The following TNRC6A variants were observed in gnomAD, a reference collection of about 807,000 sequenced individuals.
TNRC6A encodes the protein trinucleotide repeat-containing gene 6A protein.
TNRC6A carries 44 observed loss-of-function variants against 221.2 expected under a neutral mutation model. The ratio of observed to expected loss-of-function variants is 0.20; its 90% CI spans 0.16 to 0.26. TNRC6A has a LOEUF of 0.26. TNRC6A is among the 10% of genes least tolerant of loss of function. The probability of loss-of-function intolerance (pLI) is 1.00; values close to 1 mark genes in which losing one functional copy is unlikely to be tolerated. For missense variants in TNRC6A, 2,199 were observed against 2,404.4 expected, an observed-to-expected ratio of 0.91 and a Z score of 1.79; for synonymous variants, 847 against 838.5, an observed-to-expected ratio of 1.01 and a Z score of -0.18.
At chr16:24,715,497 T>C (rs1389013409) in intron 2 of TNRC6A, among the ~76,000 whole-genome samples, 1 of 152,178 alleles carries the variant, frequency 6.6e-6, no homozygotes, top group Non-Finnish European at 1.5e-5. Context: ...ATTACAAGGT[T>C]TTCTACTCTG....
At chr16:24,648,517 G>T (rs533865015) in intron 2 of TNRC6A, among the ~76,000 whole-genome samples, 5 of 151,924 alleles carry the variant, frequency 3.3e-5, no homozygotes, top group African/African-American at 1.2e-4. Context: ...TGATTCACCC[G>T]CCTTGGCCTC....
At chr16:24,754,997 T>C (rs913381537) in intron 3 of TNRC6A, among the ~76,000 whole-genome samples, 3 of 152,218 alleles carry the variant, frequency 2.0e-5, no homozygotes, top group Non-Finnish European at 4.4e-5. Flanking sequence ...GCTTAATTAG[T>C]AAATTTTCTC....
chr16:24,770,878 T>A (rs2057576291), intron 4 of TNRC6A, among the ~76,000 whole-genome samples: 1 of 152,218 alleles, frequency 6.6e-6, no homozygotes, highest in African/African-American at 2.4e-5. Flanking sequence ...CCTAGGAGGC[T>A]CCTCAAAACT....
chr16:24,661,919 T>TTAAAAACA, intron 2 of TNRC6A: 1 of 152,142 alleles, frequency 6.6e-6, no homozygotes, highest in East Asian at 1.9e-4. Context: ...ATCAAAGATC[T>TTAAAAACA]TAAAAACATA....
intron 2 of TNRC6A, 101 bp downstream of exon 2, chr16:24,730,401 T>G (rs2056603259): frequency 1.4e-6 from 2 of 1,405,180 alleles, no homozygotes; most frequent in Non-Finnish European, 1.9e-6. Flanking sequence ...GACATTTTCT[T>G]CCGCACCCGG....
chr16:24,815,390 C>A (rs1261486731), intron 19 of TNRC6A, 85 bp downstream of exon 19: 2 of 1,485,252 alleles, frequency 1.3e-6, no homozygotes, highest in Non-Finnish European at 1.8e-6. Flanking sequence ...TGATGTAGCC[C>A]AGATCGGCGT....
chr16:24,623,519 G>A (rs1414174464), intron 1 of TNRC6A, among the ~76,000 whole-genome samples: 1 of 152,064 alleles, frequency 6.6e-6, no homozygotes, highest in Non-Finnish European at 1.5e-5. Flanking sequence ...AGGTGTCAGT[G>A]CTCAGATGTC....
intron 2 of TNRC6A, among the ~76,000 whole-genome samples, chr16:24,654,681 T>C (rs1902864290): frequency 6.6e-6 from 1 of 151,826 alleles, no homozygotes. Context: ...ATCGCACCAC[T>C]GCACTCCAGC....
At chr16:24,628,206 G>A (rs984008222) in intron 1 of TNRC6A, among the ~76,000 whole-genome samples, 2 of 151,572 alleles carry the variant, frequency 1.3e-5, no homozygotes, top group Non-Finnish European at 2.9e-5. Flanking sequence ...ATCACCTGAG[G>A]TCAGGAGTTG....
chr16:24,784,945 T>C (rs2057934335), intron 5 of TNRC6A, among the ~76,000 whole-genome samples: 1 of 152,244 alleles, frequency 6.6e-6, no homozygotes, highest in Admixed American at 6.5e-5. Flanking sequence ...TGTATAAAAA[T>C]ACTTATTCAC....
intron 2 of TNRC6A, among the ~76,000 whole-genome samples, chr16:24,689,751 C>A (rs1355227836): frequency 6.6e-6 from 1 of 151,660 alleles, no homozygotes; most frequent in Admixed American, 6.6e-5. Context: ...GTGACACATG[C>A]TATGAGAAAA....
chr16:24,649,405 C>G (rs1364180584), intron 2 of TNRC6A, among the ~76,000 whole-genome samples: 4 of 152,074 alleles, frequency 2.6e-5, no homozygotes, highest in Non-Finnish European at 4.4e-5. Flanking sequence ...AACTCCTGGG[C>G]TCAAGCCATC....
At chr16:24,664,989 A>T (rs934649981) in intron 2 of TNRC6A, 14 of 456,340 alleles carry the variant, frequency 3.1e-5, no homozygotes, top group Non-Finnish European at 5.3e-5. Flanking sequence ...CCAGATTCTA[A>T]CATCAGAGGG....
chr16:24,702,669 G>A (rs548596063), intron 2 of TNRC6A, among the ~76,000 whole-genome samples: 7 of 152,140 alleles, frequency 4.6e-5, no homozygotes, highest in Middle Eastern at 6.8e-3. Context: ...CCAGGGGTTC[G>A]AGGCTGCAGT....
chr16:24,749,827 TAAAC>T (rs1475509930), intron 2 of TNRC6A, among the ~76,000 whole-genome samples: 1 of 152,190 alleles, frequency 6.6e-6, no homozygotes, highest in Non-Finnish European at 1.5e-5. Flanking sequence ...TTTTAAAATT[TAAAC>T]AAACTAATAT....
At chr16:24,764,728 C>T (rs187627113) in intron 4 of TNRC6A, among the ~76,000 whole-genome samples, 2 of 152,248 alleles carry the variant, frequency 1.3e-5, no homozygotes, top group Non-Finnish European at 2.9e-5. Context: ...CTACATGGTT[C>T]TGATTTCATT....
intron 2 of TNRC6A, among the ~76,000 whole-genome samples, chr16:24,679,644 T>A (rs375079950): frequency 1.1e-3 from 167 of 152,028 alleles, no homozygotes; most frequent in African/African-American, 3.9e-3. Context: ...ATCTGGCTAA[T>A]TTTTTGTATT....
intron 2 of TNRC6A, among the ~76,000 whole-genome samples, chr16:24,719,353 A>T (rs1474638825): frequency 6.6e-6 from 1 of 152,100 alleles, no homozygotes; most frequent in Non-Finnish European, 1.5e-5. Context: ...GGGAGATCCT[A>T]TCTCTACAAA....
chr16:24,819,422 C>T (rs2058720418), intron 21 of TNRC6A, among the ~76,000 whole-genome samples: 1 of 151,754 alleles, frequency 6.6e-6, no homozygotes, highest in Non-Finnish European at 1.5e-5. Context: ...GGCCTGCTGT[C>T]TTTTTCTTTC....
Sources: allele counts gnomAD v4.1 joint callset (sites outside exome capture counted in the v4.1 genomes callset), GRCh38; gene constraint gnomAD v4.1.1; transcripts MANE v1.5; gene names NCBI Gene and HGNC (gene_info 2026-07-23, HGNC 2026-07-21).